GK: variants seen among roughly 807,000 people sequenced by gnomAD.
GK encodes the protein glycerol kinase.
Under a neutral mutation model 56.4 loss-of-function variants are expected in GK, and 9 were observed. The ratio of observed to expected loss-of-function variants is 0.16; its 90% CI spans 0.10 to 0.28. The LOEUF (loss-of-function observed/expected upper bound fraction) is 0.28. Ranked by LOEUF, GK falls within the 10% of genes least tolerant of loss-of-function variation. The probability of loss-of-function intolerance (pLI) is 1.00; values close to 1 mark genes in which losing one functional copy is unlikely to be tolerated. For synonymous variants in GK, 104 were observed against 144.1 expected, an observed-to-expected ratio of 0.72 and a Z score of 1.99; for missense variants, 161 against 431.4, an observed-to-expected ratio of 0.37 and a Z score of 5.55.
Position 30,677,395 on chromosome X carries a change from A to C in GK, c.280A>C (p.Arg94=). The change falls in exon 4 of 21, where the codon AGG becomes CGG. Residue 94 remains arginine, a synonymous_variant. Coordinates refer to ENST00000427190, the MANE Select transcript of GK (RefSeq NM_001205019.2). ...TAAAGCTATTGGTGTCAGCAACCAG[A>C]GGGAAACCACTGTAGTCTGGGACAA... ...NIKAIGVSNQ[R]ETTVVWDKIT... 8.6e-7 allele frequency: 1 copy of C among 1,164,428 alleles called. No individual in the cohort carries two copies. The highest frequency in any genetic ancestry group is 1.2e-6 in the Non-Finnish European group (1 of 852,263).
chrX:30,704,598 A>G (rs1935887691), intron 11 of GK, among the ~76,000 whole-genome samples: 1 of 105,137 alleles, frequency 9.5e-6, no homozygotes, highest in Non-Finnish European at 2.0e-5. Context: ...TTTGAGATGG[A>G]GTCTCGCTCT....
Position 30,696,150 on chromosome X carries a change from G to A in GK, c.661G>A (p.Glu221Lys), listed in dbSNP as rs752199630. 3.2e-5 allele frequency: 32 copies of A among 1,009,617 alleles called. No homozygotes were observed. Among genetic ancestry groups the A allele is most frequent in the Admixed American group, 6.6e-5 (3 of 45,411 alleles). The allele number at this position is 1,009,617 out of a possible 1,213,427, so 83.2% of individuals were successfully genotyped here. ...HSLEWDKQLCEFFGIPMEILP... is the reference protein window; with the variant it reads ...HSLEWDKQLCKFFGIPMEILP... ...TTTGGAATGGGATAAACAACTCTGC[G>A]AGTAAGTTCTGTTTTGCTCTAAATA... The change falls in exon 7 of 21, where the codon GAA becomes AAA. Residue 221 changes from glutamate (E) to lysine (K), a missense_variant and splice_region_variant. Transcript: ENST00000427190.
chrX:30,707,591 G>A lies in GK; in HGVS notation c.887G>A (p.Gly296Asp). The change falls in exon 12 of 21, where the codon GGC becomes GAC. Residue 296 changes from glycine (G) to aspartate (D), a missense_variant. Transcript: ENST00000427190. The part of the protein sequence containing the change: ...GTGCFLLCNT[G>D]HKCVFSDHGL... ...GGATGTTTCTTACTATGTAATACAG[G>A]CCATAAGGTTGGTTTTTTAAATTAA... 1 of 1,080,793 alleles carries A rather than the reference G, an allele frequency of 9.3e-7. No individual in the cohort carries two copies. Among genetic ancestry groups the A allele is most frequent in the African/African-American group, 1.8e-5 (1 of 55,203 alleles). The allele number at this position is 1,080,793 out of a possible 1,213,427, so 89.1% of individuals were successfully genotyped here. A position where few individuals can be genotyped will look rare whatever the true frequency, so the allele number is the denominator to read the frequency against.
At chrX:30,704,285 C>T (rs1431163629) in intron 11 of GK, among the ~76,000 whole-genome samples, 1 of 106,291 alleles carries the variant, frequency 9.4e-6, no homozygotes, top group Non-Finnish European at 1.9e-5. Flanking sequence ...GTGCATGCCA[C>T]CACACTCAGC....
chrX:30,694,600 CCT>C, intron 6 of GK, 63 bp downstream of exon 6: 2 of 956,576 alleles, frequency 2.1e-6, no homozygotes, highest in Non-Finnish European at 3.0e-6. Context: ...GACTGCCTTG[CCT>C]ATTGTTTCTA....
intron 4 of GK, among the ~76,000 whole-genome samples, chrX:30,682,077 G>A (rs928894958): frequency 1.8e-5 from 2 of 111,307 alleles, no homozygotes; most frequent in Non-Finnish European, 3.8e-5. Context: ...AATAAAGCAG[G>A]CCTGTGAGAT....
chrX:30,674,927 T>C (rs1263022989), intron 3 of GK, among the ~76,000 whole-genome samples: 1 of 111,759 alleles, frequency 8.9e-6, no homozygotes, highest in African/African-American at 3.3e-5. Context: ...TAGAGTATTG[T>C]GTTTTATTCT....
At chrX:30,709,951 G>T (rs995548727) in intron 13 of GK, among the ~76,000 whole-genome samples, 1 of 110,665 alleles carries the variant, frequency 9.0e-6, no homozygotes, top group African/African-American at 3.3e-5. Context: ...GTCTGAATTC[G>T]TTTTCACTCT....
chrX:30,687,256 T>A (rs1163339709), intron 4 of GK, among the ~76,000 whole-genome samples: 3 of 111,651 alleles, frequency 2.7e-5, no homozygotes, highest in Non-Finnish European at 5.6e-5. Flanking sequence ...TGCATATATG[T>A]TGCCAGATAG....
At chrX:30,713,508 C>T (rs761043182) in intron 13 of GK, among the ~76,000 whole-genome samples, 1 of 112,016 alleles carries the variant, frequency 8.9e-6, no homozygotes, top group South Asian at 3.8e-4. Context: ...TAAGCATCTG[C>T]ATCTTCTTTT....
chrX:30,657,756 T>G (rs750161473), intron 1 of GK, among the ~76,000 whole-genome samples: 11 of 111,942 alleles, frequency 9.8e-5, no homozygotes, highest in African/African-American at 2.9e-4. Flanking sequence ...CTGAAACCAG[T>G]CCTCCTGACT....
chrX:30,659,289 TC>T (rs1932551363), intron 1 of GK, among the ~76,000 whole-genome samples: 1 of 112,485 alleles, frequency 8.9e-6, no homozygotes, highest in African/African-American at 3.2e-5. Context: ...CGCCTCGGCC[TC>T]CCAAAGTGCT....
chrX:30,685,365 C>G (rs1456576991), intron 4 of GK, among the ~76,000 whole-genome samples: 1 of 111,773 alleles, frequency 8.9e-6, no homozygotes, highest in African/African-American at 3.2e-5. Flanking sequence ...GATCTCCTGA[C>G]CTCGTGATCC....
At chrX:30,677,333 G>C in intron 3 of GK, 42 bp from the exon 4 acceptor site, 2 of 733,857 alleles carry the variant, frequency 2.7e-6, no homozygotes. Context: ...TTTCCTACTT[G>C]TTAAATTTTT....
intron 13 of GK, 42 bp from the exon 14 acceptor site, chrX:30,718,495 AG>A: frequency 1.2e-6 from 1 of 864,859 alleles, no homozygotes; most frequent in Non-Finnish European, 1.7e-6. Flanking sequence ...AACCTTGGAT[AG>A]TGATAAAATA....
chrX:30,699,275 A>ATATACAACATGTTATACATAACATG (rs1569162108), intron 9 of GK, among the ~76,000 whole-genome samples: 8 of 57,410 alleles, frequency 1.4e-4, no homozygotes, highest in Non-Finnish European at 2.3e-4. Context: ...TATAACATGT[A>ATATACAACATGTTATACATAACATG]TATATACAAC....
At position 30,709,412 on chromosome X, in the gene GK, C is replaced by T. The variant is rs1309120233; in HGVS notation, c.975+1278C>T. On this transcript the variant is annotated intron_variant, in intron 13 of 20. Coordinates refer to ENST00000427190, the MANE Select transcript of GK (RefSeq NM_001205019.2). ...CCAAAGTTGCTTCTTAATAACACCT[C>T]TAGCATTGGACCTGCATTGGTTGTC... 3.6e-5 allele frequency among the ~76,000 whole-genome samples: 4 copies of T among 111,842 alleles called. No homozygotes were observed. In the Admixed American group the frequency reaches 3.8e-4, roughly 11 times the overall value.
intron 19 of GK, among the ~76,000 whole-genome samples, chrX:30,726,284 T>G (rs1240608554): frequency 9.4e-6 from 1 of 106,709 alleles, no homozygotes; most frequent in Non-Finnish European, 2.0e-5. Flanking sequence ...TAAGCCAGTT[T>G]GATTTTTTTT....
intron 1 of GK, among the ~76,000 whole-genome samples, chrX:30,662,887 CT>C (rs1235012614): frequency 2.2e-5 from 1 of 45,909 alleles, no homozygotes; most frequent in African/African-American, 9.0e-5. Context: ...TTCTTTCTTT[CT>C]TTCTTTTCTT....
Sources: gnomAD v4.1 joint callset for allele counts (sites outside exome capture counted in the v4.1 genomes callset) on GRCh38, gnomAD v4.1.1 for gene constraint, MANE v1.5 for transcripts, NCBI Gene and HGNC (gene_info 2026-07-23, HGNC 2026-07-21) for gene names.